The following KCNK5 variants were observed in gnomAD, a reference collection of about 807,000 sequenced individuals.
The protein encoded by KCNK5 is potassium two pore domain channel subfamily K member 5.
A neutral mutation model predicts 32.9 loss-of-function variants in KCNK5; 18 were observed. That is an observed-to-expected ratio of 0.55 (90% CI 0.38 to 0.81). The LOEUF is 0.81. KCNK5 is among the 30% of genes least tolerant of loss of function. The pLI is 0.00. For synonymous variants in KCNK5, 276 were observed against 275.3 expected, an observed-to-expected ratio of 1.00 and a Z score of -0.03; for missense variants, 507 against 651.0, an observed-to-expected ratio of 0.78 and a Z score of 2.41.
chr6:39,220,420 C>T (rs1173696892), intron 1 of KCNK5, among the ~76,000 whole-genome samples: 3 of 152,144 alleles, frequency 2.0e-5, no homozygotes, highest in Non-Finnish European at 4.4e-5. Context: ...GTGTCTGCCT[C>T]GAGTGAGGGC....
At position 39,191,259 on chromosome 6, in the gene KCNK5, C is replaced by G; in HGVS notation, c.1131G>C (p.Val377=). ...HVSRSPDEEA[V]ARAPEDSSPA... ...GGGAGCTGTCTTCAGGGGCCCGTGC[C>G]ACAGCCTCCTCATCTGGGGACCTTG... Residue 377 remains valine, a synonymous_variant, in exon 5 of 5, where the codon GTG becomes GTC. Coordinates refer to ENST00000359534, the MANE Select transcript of KCNK5 (RefSeq NM_003740.4). The surrounding 1 kb of genome is among the most constrained non-coding windows in gnomAD (Gnocchi z 5.8). 1 of 1,614,098 alleles carries G rather than the reference C, an allele frequency of 6.2e-7. No individual in the cohort carries two copies. The highest frequency in any genetic ancestry group is 8.5e-7 in the Non-Finnish European group (1 of 1,180,032).
intron 1 of KCNK5, among the ~76,000 whole-genome samples, chr6:39,196,593 G>T (rs1294969776): frequency 2.0e-5 from 3 of 152,186 alleles, no homozygotes; most frequent in African/African-American, 7.2e-5. Flanking sequence ...TCAGTGCCCT[G>T]TTGACTTGTC....
chr6:39,225,404 T>C (rs1771655843), intron 1 of KCNK5, among the ~76,000 whole-genome samples: 2 of 152,216 alleles, frequency 1.3e-5, no homozygotes, highest in African/African-American at 4.8e-5. Context: ...TAAGAATGTA[T>C]ATAAAGTGCT....
intron 1 of KCNK5, among the ~76,000 whole-genome samples, chr6:39,222,369 A>G (rs1771569228): frequency 6.6e-6 from 1 of 152,242 alleles, no homozygotes; most frequent in East Asian, 1.9e-4. Context: ...TGTCCTTATC[A>G]GAACACCCAC....
At chr6:39,201,648 G>A (rs190741054) in intron 1 of KCNK5, among the ~76,000 whole-genome samples, 219 of 152,296 alleles carry the variant, frequency 1.4e-3, no homozygotes, top group Non-Finnish European at 2.5e-3. Flanking sequence ...CCTCTTATGT[G>A]CGTGTGCTTG....
At position 39,229,215 on chromosome 6, in the gene KCNK5, C is replaced by G. The variant is rs1407757393; in HGVS notation, c.-104G>C. ...AAAACAGCTGTTTGAATTTGGAGCT[C>G]CGCATGCGCAGTGCCCGGTACTCAC... On this transcript the variant is annotated 5_prime_UTR_variant, in exon 1 of 5. Transcript: ENST00000359534. 4 of 1,206,760 alleles carry G rather than the reference C, an allele frequency of 3.3e-6. No individual in the cohort carries two copies. The highest frequency in any genetic ancestry group is 4.6e-6 in the Non-Finnish European group (4 of 861,280). The allele number at this position is 1,206,760 out of a possible 1,614,324, so 74.8% of individuals were successfully genotyped here.
At chr6:39,196,609 A>G (rs1562051285) in intron 1 of KCNK5, among the ~76,000 whole-genome samples, 2 of 152,156 alleles carry the variant, frequency 1.3e-5, no homozygotes, top group Admixed American at 1.3e-4. Flanking sequence ...TTGTCCTCGG[A>G]GGGCATGCAA....
At position 39,190,690 on chromosome 6, in the gene KCNK5, T is replaced by C; in HGVS notation, c.*200A>G. On this transcript the variant is annotated 3_prime_UTR_variant, in exon 5 of 5. Transcript: ENST00000359534. Reference sequence around the variant, plus strand: ...GACAGATGCCCCCACAGCCAGGGTATGGTTCAGCTGGAGAACAGAGGCCCT... The same window carrying C: ...GACAGATGCCCCCACAGCCAGGGTACGGTTCAGCTGGAGAACAGAGGCCCT... The C allele has an allele frequency of 2.0e-6, 1 of 496,448 alleles. No individual in the cohort carries two copies. The highest frequency in any genetic ancestry group is 3.4e-6 in the Non-Finnish European group (1 of 290,832). The allele number at this position is 496,448 out of a possible 1,614,324, so 30.8% of individuals were successfully genotyped here. A position where few individuals can be genotyped will look rare whatever the true frequency, so the allele number is the denominator to read the frequency against.
At chr6:39,217,432 G>A (rs991146872) in intron 1 of KCNK5, among the ~76,000 whole-genome samples, 75 of 152,284 alleles carry the variant, frequency 4.9e-4, no homozygotes, top group African/African-American at 1.7e-3. Context: ...GTGATCTGAT[G>A]GGAGCCCTAC....
intron 1 of KCNK5, among the ~76,000 whole-genome samples, chr6:39,206,121 G>C (rs998825827): frequency 5.3e-5 from 8 of 152,114 alleles, no homozygotes; most frequent in Non-Finnish European, 1.2e-4. Context: ...CAAACAGAAA[G>C]ATGGTGAAGC....
intron 1 of KCNK5, among the ~76,000 whole-genome samples, chr6:39,216,875 A>G (rs1281652045): frequency 1.3e-5 from 2 of 152,056 alleles, no homozygotes; most frequent in African/African-American, 4.8e-5. Context: ...TAATCCCAGC[A>G]CTTTGGGAGG....
intron 1 of KCNK5, among the ~76,000 whole-genome samples, chr6:39,227,375 C>T (rs1180481769): frequency 2.0e-5 from 3 of 152,100 alleles, no homozygotes; most frequent in Non-Finnish European, 4.4e-5. Context: ...GCAACCCCCT[C>T]CCCACAACAC....
At chr6:39,192,046 C>A (rs1222212709) in intron 4 of KCNK5, among the ~76,000 whole-genome samples, 6 of 152,082 alleles carry the variant, frequency 3.9e-5, no homozygotes, top group Non-Finnish European at 5.9e-5. Context: ...GCAATCCCAG[C>A]ACTTTGGGAG....
chr6:39,215,619 T>C (rs1293162827), intron 1 of KCNK5, among the ~76,000 whole-genome samples: 2 of 152,178 alleles, frequency 1.3e-5, no homozygotes, highest in African/African-American at 4.8e-5. Flanking sequence ...CAGAATAACC[T>C]GTTCCAAGCC....
At chr6:39,210,604 C>T (rs1055966920) in intron 1 of KCNK5, among the ~76,000 whole-genome samples, 3 of 152,192 alleles carry the variant, frequency 2.0e-5, no homozygotes, top group Admixed American at 6.5e-5. Context: ...AAACCAGGGT[C>T]GACTGATTCA....
In KCNK5 at chr6:39,191,233, G is replaced by A. The variant is rs901448239; in HGVS notation, c.1157C>T (p.Pro386Leu). 1 of 1,614,150 alleles carries A rather than the reference G, an allele frequency of 6.2e-7. No individual in the cohort carries two copies. Among genetic ancestry groups the A allele is most frequent in the Admixed American group, 1.7e-5 (1 of 60,034 alleles). Residue 386 changes from proline (P) to leucine (L), a missense_variant, in exon 5 of 5, where the codon CCT becomes CTT. By Grantham distance (98) the Pro-to-Leu change is moderately conservative. Coordinates refer to ENST00000359534, the MANE Select transcript of KCNK5 (RefSeq NM_003740.4). The surrounding 1 kb of genome is among the most constrained non-coding windows in gnomAD (Gnocchi z 5.8). The stretch of plus-strand genomic sequence containing the variant: ...CTGGTTCATGAACACCTCGGGGGCA[G>A]GGGAGCTGTCTTCAGGGGCCCGTGC... ...AVARAPEDSS[P>L]APEVFMNQLD...
At chr6:39,226,822 G>A (rs1019903909) in intron 1 of KCNK5, among the ~76,000 whole-genome samples, 4 of 152,136 alleles carry the variant, frequency 2.6e-5, no homozygotes, top group Admixed American at 1.3e-4. Context: ...GAAGGGACTC[G>A]CCCAGTTGGG....
chr6:39,209,173 T>G (rs1771282376), intron 1 of KCNK5, among the ~76,000 whole-genome samples: 1 of 152,134 alleles, frequency 6.6e-6, no homozygotes, highest in Non-Finnish European at 1.5e-5. Flanking sequence ...ACACATCAGT[T>G]ACCCCAGGGG....
intron 1 of KCNK5, among the ~76,000 whole-genome samples, chr6:39,228,598 T>A (rs985468281): frequency 1.3e-5 from 2 of 152,148 alleles, no homozygotes; most frequent in African/African-American, 4.8e-5. Flanking sequence ...AACGCCTTTA[T>A]CCGTCCCACA....
Sources: allele counts gnomAD v4.1 joint callset (sites outside exome capture counted in the v4.1 genomes callset), GRCh38; gene constraint gnomAD v4.1.1; non-coding constraint Gnocchi (gnomAD v3.1); transcripts MANE v1.5; gene names NCBI Gene and HGNC (gene_info 2026-07-23, HGNC 2026-07-21).